The following SEMA6D variants were observed in gnomAD, a reference collection of about 807,000 sequenced individuals.
The protein encoded by SEMA6D is semaphorin-6D.
A neutral mutation model predicts 106.6 loss-of-function variants in SEMA6D; 35 were observed. That is an observed-to-expected ratio of 0.33 (90% CI 0.25 to 0.44). The LOEUF is 0.44. Ranked by LOEUF, SEMA6D falls within the 20% of genes least tolerant of loss-of-function variation. The pLI is 1.00. For missense variants in SEMA6D, 1,185 were observed against 1,345.9 expected, an observed-to-expected ratio of 0.88 and a Z score of 1.87; for synonymous variants, 499 against 487.7, an observed-to-expected ratio of 1.02 and a Z score of -0.31.
chr15:47,761,993 T>TG (rs2147734529), intron 7 of SEMA6D, among the ~76,000 whole-genome samples: 1 of 152,280 alleles, frequency 6.6e-6, no homozygotes, highest in Non-Finnish European at 1.5e-5. Context: ...ATAAGTTGCT[T>TG]AAGTTTTTGA....
chr15:47,559,885 A>G (rs2046026240), intron 3 of SEMA6D, among the ~76,000 whole-genome samples: 1 of 152,140 alleles, frequency 6.6e-6, no homozygotes, highest in Admixed American at 6.5e-5. Context: ...TACTGGCTGA[A>G]GGTGTTTGAA....
At chr15:47,215,627 T>C (rs2030513807) in intron 1 of SEMA6D, among the ~76,000 whole-genome samples, 1 of 152,078 alleles carries the variant, frequency 6.6e-6, no homozygotes. Context: ...ATGGTAATAT[T>C]TATGGAGAGA....
chr15:47,594,735 A>G (rs1369632), intron 3 of SEMA6D, among the ~76,000 whole-genome samples: 26,344 of 152,150 alleles, frequency 0.17, 2,631 homozygotes, highest in African/African-American at 0.25. Flanking sequence ...TTCTAGAATA[A>G]TTAGAAATAG....
chr15:47,441,882 A>T lies in SEMA6D; in HGVS notation c.-158-28592A>T, dbSNP rs1320186838. On this transcript the variant is annotated intron_variant, in intron 2 of 19. Coordinates refer to the SEMA6D transcript ENST00000558014. ...GAGTGGGTGACTGCCACATCTCTAC[A>T]CTCAGAGATCTCCTGTAACCTCAAA... Among the ~76,000 whole-genome samples, 3 of 151,964 alleles carry T rather than the reference A, an allele frequency of 2.0e-5. No homozygotes were observed. In the East Asian group the frequency reaches 5.8e-4, roughly 29 times the overall value.
At chr15:47,224,729 T>C (rs1232734174) in intron 1 of SEMA6D, among the ~76,000 whole-genome samples, 2 of 152,098 alleles carry the variant, frequency 1.3e-5, no homozygotes, top group African/African-American at 2.4e-5. Context: ...AGTTATTCAG[T>C]TGAACTGTAA....
chr15:47,294,436 C>T (rs1595665068), intron 1 of SEMA6D, among the ~76,000 whole-genome samples: 1 of 152,124 alleles, frequency 6.6e-6, no homozygotes, highest in Non-Finnish European at 1.5e-5. Context: ...GTTGGCCAGG[C>T]TGATCTCAAA....
At chr15:47,390,244 T>C (rs2039980318) in intron 1 of SEMA6D, among the ~76,000 whole-genome samples, 1 of 152,176 alleles carries the variant, frequency 6.6e-6, no homozygotes, top group South Asian at 2.1e-4. Flanking sequence ...ATCTAGTATA[T>C]GGTCTTTCAC....
rs566499768 is a variant in SEMA6D at position 47,686,988 on chromosome 15, C to T, written c.-54-72757C>T. On this transcript the variant is annotated intron_variant, in intron 4 of 19. Transcript: ENST00000558014. ...GGCTGAGGCAGGAAGATCGCTTGAG[C>T]CCAGGATTTTGAGGCTGTAGGGAGC... Among the ~76,000 whole-genome samples, 15 of 151,118 alleles carry T rather than the reference C, an allele frequency of 9.9e-5. No individual in the cohort carries two copies. The East Asian group carries it at 2.7e-3, about 28-fold the overall frequency.
chr15:47,447,170 C>T (rs1364320610), intron 2 of SEMA6D, among the ~76,000 whole-genome samples: 1 of 152,112 alleles, frequency 6.6e-6, no homozygotes, highest in Non-Finnish European at 1.5e-5. Context: ...TCAAGATCCT[C>T]TCAGTTTTGT....
chr15:47,489,999 G>A (rs903732660), intron 3 of SEMA6D, among the ~76,000 whole-genome samples: 1 of 152,148 alleles, frequency 6.6e-6, no homozygotes, highest in Non-Finnish European at 1.5e-5. Flanking sequence ...CTTGGCATAT[G>A]TTAATAACAT....
intron 1 of SEMA6D, among the ~76,000 whole-genome samples, chr15:47,302,625 C>T (rs72623948): frequency 0.062 from 9,395 of 151,990 alleles, 1,238 homozygotes; most frequent in East Asian, 0.6. Context: ...AAGAGAGTCA[C>T]CAGTGAGAGA....
intron 3 of SEMA6D, among the ~76,000 whole-genome samples, chr15:47,514,884 G>T (rs1255988336): frequency 6.6e-6 from 1 of 152,152 alleles, no homozygotes. Flanking sequence ...AGATACAGAA[G>T]CTCAGCCTCA....
chr15:47,501,666 G>A (rs1428076021), intron 3 of SEMA6D, among the ~76,000 whole-genome samples: 1 of 152,164 alleles, frequency 6.6e-6, no homozygotes, highest in East Asian at 1.9e-4. Context: ...GTTAGCAACA[G>A]TAACAAGTGA....
At chr15:47,389,398 T>G (rs2145785612) in intron 1 of SEMA6D, among the ~76,000 whole-genome samples, 1 of 152,176 alleles carries the variant, frequency 6.6e-6, no homozygotes, top group East Asian at 1.9e-4. Flanking sequence ...CACATTCTAC[T>G]TTCTGCCTAG....
chr15:47,625,255 T>C (rs2077180975), intron 4 of SEMA6D, among the ~76,000 whole-genome samples: 2 of 152,140 alleles, frequency 1.3e-5, no homozygotes, highest in African/African-American at 4.8e-5. Flanking sequence ...TGTTATATGC[T>C]ATGATAATTG....
Position 47,673,110 on chromosome 15 carries a change from C to T in SEMA6D, c.-55+72214C>T, listed in dbSNP as rs1407397629. 3.9e-5 allele frequency among the ~76,000 whole-genome samples: 6 copies of T among 151,958 alleles called. No homozygotes were observed. The East Asian group carries it at 1.2e-3, about 29-fold the overall frequency. On this transcript the variant is annotated intron_variant, in intron 4 of 19. Coordinates refer to the SEMA6D transcript ENST00000558014. ...TAGCTTGGTGACTCTTTTCTCACCC[C>T]GAGAAAATCCCCCAAAGGCCAGCTA...
intron 1 of SEMA6D, among the ~76,000 whole-genome samples, chr15:47,358,482 G>A (rs1567023974): frequency 1.3e-5 from 2 of 152,196 alleles, no homozygotes; most frequent in African/African-American, 4.8e-5. Flanking sequence ...TCTTAAGCAT[G>A]GGAGCTTATC....
At chr15:47,632,251 G>T (rs184139366) in intron 4 of SEMA6D, among the ~76,000 whole-genome samples, 5 of 151,982 alleles carry the variant, frequency 3.3e-5, no homozygotes, top group African/African-American at 1.2e-4. Flanking sequence ...AATGTTTCAT[G>T]GTTACTTTTT....
chr15:47,348,571 G>A (rs1318180767), intron 1 of SEMA6D, among the ~76,000 whole-genome samples: 2 of 151,834 alleles, frequency 1.3e-5, no homozygotes, highest in African/African-American at 4.8e-5. Context: ...GTATTACTGT[G>A]AGCCAGGCAA....
Sources: gnomAD v4.1 joint callset for allele counts (sites outside exome capture counted in the v4.1 genomes callset) on GRCh38, gnomAD v4.1.1 for gene constraint, MANE v1.5 for transcripts, NCBI Gene and HGNC (gene_info 2026-07-23, HGNC 2026-07-21) for gene names.